KLRG1: variants seen among roughly 807,000 people sequenced by gnomAD.
KLRG1 encodes the protein killer cell lectin like receptor G1.
Under a neutral mutation model 21.8 loss-of-function variants are expected in KLRG1, and 16 were observed. The ratio of observed to expected loss-of-function variants is 0.73; its 90% confidence interval spans 0.50 to 1.11. The LOEUF (loss-of-function observed/expected upper bound fraction) is 1.11, where lower values mean the gene tolerates loss of function less well. Ranked by LOEUF, KLRG1 falls within the 50% of genes most tolerant of loss-of-function variation. The pLI is 0.00. For missense variants in KLRG1, 173 were observed against 218.3 expected, an observed-to-expected ratio of 0.79 and a Z score of 1.31; for synonymous variants, 69 against 75.9, an observed-to-expected ratio of 0.91 and a Z score of 0.47.
the KLRG1 span, chr12:9,074,462 T>C: frequency 8.5e-7 from 1 of 1,170,316 alleles, no homozygotes; most frequent in South Asian, 1.6e-5. Flanking sequence ...CAAGTTACTG[T>C]CATCTGTATT....
At chr12:9,090,233 G>T in the KLRG1 span, 1 of 1,493,680 alleles carries the variant, frequency 6.7e-7, no homozygotes, top group Non-Finnish European at 9.2e-7. Flanking sequence ...AGAATAAAAG[G>T]CAAAGGAAAA....
the KLRG1 span, chr12:9,095,182 CTTAAA>C: frequency 5.0e-5 from 31 of 624,116 alleles, no homozygotes; most frequent in Middle Eastern, 4.3e-4. Flanking sequence ...ATCCAGTTAA[CTTAAA>C]TTAAACTTTT....
At chr12:9,037,709 T>C in the KLRG1 span, among the ~76,000 whole-genome samples, 1 of 152,214 alleles carries the variant, frequency 6.6e-6, no homozygotes, top group Non-Finnish European at 1.5e-5. Context: ...TTTAATGTTT[T>C]ATACTGTTTT....
At chr12:9,181,197 C>T in the KLRG1 span, 3 of 1,603,660 alleles carry the variant, frequency 1.9e-6, no homozygotes, top group Admixed American at 3.4e-5. Flanking sequence ...CAGTCACCTG[C>T]ATTTCCTAAG....
chr12:8,997,840 G>A (rs1947181454), intron 3 of KLRG1, among the ~76,000 whole-genome samples: 1 of 151,766 alleles, frequency 6.6e-6, no homozygotes. Context: ...AGGCTGAAGT[G>A]CAGTGGCACA....
At chr12:9,091,537 T>C in the KLRG1 span, 1 of 1,103,462 alleles carries the variant, frequency 9.1e-7, no homozygotes, top group East Asian at 2.5e-5. Flanking sequence ...AAACACTCAA[T>C]AGAAATACCA....
At chr12:8,981,789 G>A (rs866408988) in intron 1 of KLRG1, among the ~76,000 whole-genome samples, 1 of 151,964 alleles carries the variant, frequency 6.6e-6, no homozygotes, top group Non-Finnish European at 1.5e-5. Flanking sequence ...TATTATTACT[G>A]AATTTTGTTT....
chr12:9,027,665 G>A, the KLRG1 span: 1 of 954,238 alleles, frequency 1.0e-6, no homozygotes, highest in Non-Finnish European at 1.7e-6. Context: ...TTCCCTTCAT[G>A]GGTCCAAAAT....
chr12:9,157,214 C>T, the KLRG1 span: 2 of 1,614,108 alleles, frequency 1.2e-6, no homozygotes, highest in Non-Finnish European at 1.7e-6. Flanking sequence ...TTCAGTATTT[C>T]TCTATTCTGA....
At chr12:9,106,825 G>A in the KLRG1 span, among the ~76,000 whole-genome samples, 2 of 152,032 alleles carry the variant, frequency 1.3e-5, no homozygotes, top group African/African-American at 4.8e-5. Context: ...AAATTCCCTA[G>A]ATATATTGCG....
the KLRG1 span, among the ~76,000 whole-genome samples, chr12:9,113,110 T>C: frequency 6.6e-6 from 1 of 151,792 alleles, no homozygotes; most frequent in Non-Finnish European, 1.5e-5. Context: ...ATTTTCTTTT[T>C]TTTTTTTTCC....
chr12:9,055,498 C>T, the KLRG1 span: 1 of 152,072 alleles, frequency 6.6e-6, no homozygotes, highest in South Asian at 2.1e-4. Flanking sequence ...AATTTGGATG[C>T]CATTATTTGT....
the KLRG1 span, chr12:9,101,365 A>T: frequency 1.2e-5 from 16 of 1,348,298 alleles, no homozygotes; most frequent in South Asian, 1.3e-4. Flanking sequence ...TGAAGTAATG[A>T]CATCTAAAGA....
At chr12:9,106,691 G>T in the KLRG1 span, 2 of 637,436 alleles carry the variant, frequency 3.1e-6, no homozygotes, top group Non-Finnish European at 5.4e-6. Context: ...TGATTTTTGT[G>T]GGGGGACAAC....
intron 1 of KLRG1, among the ~76,000 whole-genome samples, chr12:8,966,511 A>G (rs1164402398): frequency 1.3e-5 from 2 of 151,808 alleles, no homozygotes; most frequent in African/African-American, 2.4e-5. Flanking sequence ...AACCCCATCA[A>G]AAAGTGGGCA....
At chr12:9,106,646 T>A in the KLRG1 span, 1 of 1,026,350 alleles carries the variant, frequency 9.7e-7, no homozygotes, top group Non-Finnish European at 1.5e-6. Context: ...ATAATGCATA[T>A]TATACTAAAT....
chr12:9,079,322 C>T, the KLRG1 span: 1 of 1,613,532 alleles, frequency 6.2e-7, no homozygotes, highest in Non-Finnish European at 8.5e-7. Flanking sequence ...GTTCAACTGT[C>T]TCTGGTAACC....
the KLRG1 span, among the ~76,000 whole-genome samples, chr12:9,133,634 C>A: frequency 6.6e-6 from 1 of 152,104 alleles, no homozygotes; most frequent in Non-Finnish European, 1.5e-5. Flanking sequence ...GGGAATTTAT[C>A]CTTGCAAAAA....
the KLRG1 span, among the ~76,000 whole-genome samples, chr12:9,043,409 G>A: frequency 6.6e-6 from 1 of 152,040 alleles, no homozygotes; most frequent in Non-Finnish European, 1.5e-5. Flanking sequence ...AAATGTCTTC[G>A]GGTTGAGATA....
Sources: gnomAD v4.1 joint callset for allele counts (sites outside exome capture counted in the v4.1 genomes callset) on GRCh38, gnomAD v4.1.1 for gene constraint, MANE v1.5 for transcripts, NCBI Gene and HGNC (gene_info 2026-07-23, HGNC 2026-07-21) for gene names.